The following FHIP1A variants were observed in gnomAD, a reference collection of about 807,000 sequenced individuals.
The protein encoded by FHIP1A is FHF complex subunit HOOK-interacting protein 1A.
A neutral mutation model predicts 88.6 loss-of-function variants in FHIP1A; 61 were observed. The ratio of observed to expected loss-of-function variants is 0.69; its 90% CI spans 0.56 to 0.85. The LOEUF is 0.85. FHIP1A is among the 40% of genes least tolerant of loss of function. The pLI is 0.00. For synonymous variants in FHIP1A, 478 were observed against 496.0 expected (o/e 0.96, Z 0.48); for missense variants, 1,154 against 1,273.5 (o/e 0.91, Z 1.43).
At chr4:151,462,729 C>T (rs756522783) in intron 2 of FHIP1A, among the ~76,000 whole-genome samples, 6 of 152,122 alleles carry the variant, frequency 3.9e-5, no homozygotes, top group African/African-American at 7.2e-5. Flanking sequence ...AGTTGTGAGC[C>T]TGCTGTTTAT....
chr4:151,523,452 C>T (rs573320085), intron 3 of FHIP1A, among the ~76,000 whole-genome samples: 5 of 152,230 alleles, frequency 3.3e-5, no homozygotes, highest in African/African-American at 4.8e-5. Flanking sequence ...AAATTGATGC[C>T]GGGCTTATTA....
intron 13 of FHIP1A, among the ~76,000 whole-genome samples, chr4:151,657,488 G>A (rs767690554): frequency 6.6e-6 from 1 of 152,108 alleles, no homozygotes; most frequent in Non-Finnish European, 1.5e-5. Flanking sequence ...AGGAGTGGGG[G>A]TGGGGGCATG....
chr4:151,629,647 T>A, intron 7 of FHIP1A, 55 bp from the exon 8 acceptor site: 1 of 1,501,060 alleles, frequency 6.7e-7, no homozygotes, highest in East Asian at 2.5e-5. Flanking sequence ...GGGAGAGGCG[T>A]GTATCACAGC....
At chr4:151,475,826 T>TA (rs1729678007) in intron 2 of FHIP1A, among the ~76,000 whole-genome samples, 1 of 152,114 alleles carries the variant, frequency 6.6e-6, no homozygotes, top group Admixed American at 6.5e-5. Context: ...TGTTTTTTTT[T>TA]ATAGAAAAGG....
chr4:151,496,307 A>C (rs1036797022), intron 3 of FHIP1A, among the ~76,000 whole-genome samples: 2 of 151,682 alleles, frequency 1.3e-5, no homozygotes, highest in Non-Finnish European at 2.9e-5. Context: ...TTGAAAACAA[A>C]AGCACCACAA....
chr4:151,482,977 C>G (rs1471853632), intron 3 of FHIP1A, among the ~76,000 whole-genome samples: 1 of 152,028 alleles, frequency 6.6e-6, no homozygotes, highest in Non-Finnish European at 1.5e-5. Context: ...CTGGGGTTCT[C>G]TAATTTTGAT....
chr4:151,465,202 G>C (rs561547819), intron 2 of FHIP1A, among the ~76,000 whole-genome samples: 4 of 152,000 alleles, frequency 2.6e-5, no homozygotes, highest in African/African-American at 7.2e-5. Context: ...CTCTTTAAAA[G>C]AAAAACAAAA....
At chr4:151,653,127 C>T (rs1737092377) in intron 11 of FHIP1A, among the ~76,000 whole-genome samples, 1 of 152,268 alleles carries the variant, frequency 6.6e-6, no homozygotes, top group African/African-American at 2.4e-5. Flanking sequence ...GAGCTGTATT[C>T]ACACTGTGTG....
intron 2 of FHIP1A, among the ~76,000 whole-genome samples, chr4:151,456,786 A>T (rs1482105889): frequency 1.3e-5 from 2 of 152,142 alleles, no homozygotes; most frequent in African/African-American, 4.8e-5. Context: ...TTCCCAGAGC[A>T]GAGGGTAAAC....
intron 3 of FHIP1A, among the ~76,000 whole-genome samples, chr4:151,528,055 G>A (rs1017171901): frequency 6.6e-6 from 1 of 152,174 alleles, no homozygotes; most frequent in Non-Finnish European, 1.5e-5. Flanking sequence ...CCAGGCCAGT[G>A]GCTTCAGATC....
chr4:151,578,068 T>C lies in FHIP1A; in HGVS notation c.724T>C (p.Phe242Leu). 1 of 1,549,336 alleles carries C rather than the reference T, an allele frequency of 6.5e-7. No individual in the cohort carries two copies. The highest frequency in any genetic ancestry group is 1.2e-5 in the South Asian group (1 of 83,966). Residue 242 changes from phenylalanine to leucine, a missense_variant, in exon 5 of 14, where the codon TTT (phenylalanine) becomes CTT (leucine). By Grantham distance (22) the Phe-to-Leu change is conservative. Transcript: ENST00000435205. ...CCATCACATCGTGGAGAACACCTAC[T>C]TTTGTCCAGTAAGTCTCTTTCCTTG... ...VAHHIVENTY[F>L]CPVLATGLSG...
intron 2 of FHIP1A, among the ~76,000 whole-genome samples, chr4:151,455,736 G>A (rs764793716): frequency 3.3e-5 from 5 of 152,190 alleles, no homozygotes; most frequent in Non-Finnish European, 5.9e-5. Context: ...ATATAGCACT[G>A]CTTCTGAAGG....
At chr4:151,437,106 A>G (rs1019812691) in intron 1 of FHIP1A, among the ~76,000 whole-genome samples, 3 of 152,144 alleles carry the variant, frequency 2.0e-5, no homozygotes, top group African/African-American at 4.8e-5. Flanking sequence ...GGATATGGAT[A>G]TGGAGGGTTG....
intron 3 of FHIP1A, among the ~76,000 whole-genome samples, chr4:151,563,527 G>C (rs1287896627): frequency 6.6e-6 from 1 of 152,170 alleles, no homozygotes; most frequent in Non-Finnish European, 1.5e-5. Context: ...AGTGCAGAGG[G>C]AAAGAAAGGA....
intron 7 of FHIP1A, among the ~76,000 whole-genome samples, chr4:151,607,713 TA>T (rs1222731653): frequency 1.3e-5 from 2 of 152,206 alleles, no homozygotes; most frequent in African/African-American, 4.8e-5. Flanking sequence ...AATCTAGGGA[TA>T]ATAATACCTA....
At chr4:151,535,829 G>A (rs932355959) in intron 3 of FHIP1A, among the ~76,000 whole-genome samples, 6 of 152,220 alleles carry the variant, frequency 3.9e-5, no homozygotes, top group Admixed American at 3.9e-4. Flanking sequence ...TTATTTTGAT[G>A]ACTAGGTAGA....
intron 7 of FHIP1A, among the ~76,000 whole-genome samples, chr4:151,629,253 GGAAT>G (rs1265297492): frequency 1.5e-4 from 23 of 152,120 alleles, no homozygotes; most frequent in African/African-American, 5.6e-4. Context: ...CTGGACATAA[GGAAT>G]GTTATGTTTT....
At chr4:151,479,469 A>G (rs908189243) in intron 2 of FHIP1A, among the ~76,000 whole-genome samples, 3 of 152,102 alleles carry the variant, frequency 2.0e-5, no homozygotes, top group African/African-American at 7.2e-5. Context: ...ATAATGTATT[A>G]CCTGTCCCAG....
rs993893614 is a variant in FHIP1A at position 151,638,772 on chromosome 4, T to A, written c.1226+16T>A. 4.2e-5 allele frequency: 63 copies of A among 1,483,694 alleles called. No individual in the cohort carries two copies. Among genetic ancestry groups the A allele is most frequent in the Non-Finnish European group, 1.0e-5 (11 of 1,092,100 alleles). The allele number at this position is 1,483,694 out of a possible 1,614,324, so 91.9% of individuals were successfully genotyped here. On this transcript the variant is annotated intron_variant, in intron 9 of 13. Transcript: ENST00000435205. ...TAGTTCTAAGGTGAGTTGCCTTTTT[T>A]GTTTCCTTTAAAGAAAAATTCACTT...
Sources: gnomAD v4.1 joint callset for allele counts (sites outside exome capture counted in the v4.1 genomes callset) on GRCh38, gnomAD v4.1.1 for gene constraint, MANE v1.5 for transcripts, NCBI Gene and HGNC (gene_info 2026-07-23, HGNC 2026-07-21) for gene names.